CAP2: variants seen among roughly 807,000 people sequenced by gnomAD.
CAP2 encodes adenylyl cyclase-associated protein 2.
Under a neutral mutation model 57.7 loss-of-function variants are expected in CAP2, and 24 were observed. The observed-to-expected ratio is 0.42, with a 90% confidence interval of 0.30 to 0.58. CAP2 has a LOEUF of 0.58. Ranked by LOEUF, CAP2 falls within the 20% of genes least tolerant of loss-of-function variation. CAP2 has a pLI of 0.22. For synonymous variants in CAP2, 194 were observed against 207.2 expected, an observed-to-expected ratio of 0.94 and a Z score of 0.55; for missense variants, 501 against 590.3, an observed-to-expected ratio of 0.85 and a Z score of 1.57.
At chr6:17,499,074 C>T (rs1197151473) in intron 4 of CAP2, among the ~76,000 whole-genome samples, 3 of 151,814 alleles carry the variant, frequency 2.0e-5, no homozygotes, top group Non-Finnish European at 4.4e-5. Context: ...AAAAATGTGC[C>T]AATGAGATTG....
chr6:17,523,410 A>G (rs147985724), intron 7 of CAP2, among the ~76,000 whole-genome samples: 395 of 152,312 alleles, frequency 2.6e-3, no homozygotes, highest in African/African-American at 8.8e-3. Flanking sequence ...GAGACATCCA[A>G]ACACGTGGAG....
At chr6:17,479,940 C>A (rs1028455385) in intron 4 of CAP2, among the ~76,000 whole-genome samples, 1 of 151,918 alleles carries the variant, frequency 6.6e-6, no homozygotes, top group Admixed American at 6.6e-5. Flanking sequence ...AAGGGTATTA[C>A]AAGCTTGCTT....
Position 17,541,085 on chromosome 6 carries a change from T to C in CAP2, c.939T>C (p.Pro313=), listed in dbSNP as rs1048443734. 4.3e-6 allele frequency: 7 copies of C among 1,613,878 alleles called. No individual in the cohort carries two copies. In the Admixed American group the frequency reaches 1.2e-4, roughly 27 times the overall value. ...GTCACACTCCAAGTCCCACATCTCC[T>C]AAATCTTATCCTTCTCAAAAACATG... ...TKSHTPSPTS[P]KSYPSQKHAP... The change falls in exon 9 of 13, where the codon CCT becomes CCC. Residue 313 remains proline (P), a synonymous_variant. Coordinates refer to ENST00000229922, the MANE Select transcript of CAP2 (RefSeq NM_006366.3).
rs540318743 is a variant in CAP2 at position 17,530,762 on chromosome 6, T to C, written c.637-8507T>C. ...AAAAATTGTTCTGTGAGCAACATAA[T>C]CCACCTGTTCCAAGAGACTGTCAGG... On this transcript the variant is annotated intron_variant, in intron 7 of 12. Coordinates refer to ENST00000229922, the MANE Select transcript of CAP2 (RefSeq NM_006366.3). The C allele has an allele frequency of 1.8e-4, 92 of 513,714 alleles. No homozygotes were observed. In the South Asian group the frequency reaches 1.9e-3, roughly 11 times the overall value. 31.8% of individuals were successfully genotyped at this position (513,714 alleles called of 1,614,324 possible).
intron 4 of CAP2, among the ~76,000 whole-genome samples, chr6:17,478,012 A>T (rs1196694296): frequency 6.8e-6 from 1 of 147,944 alleles, no homozygotes; most frequent in Non-Finnish European, 1.5e-5. Flanking sequence ...AATATATATA[A>T]ATATATTAAT....
At chr6:17,404,055 C>T (rs887427635) in intron 1 of CAP2, among the ~76,000 whole-genome samples, 1 of 152,164 alleles carries the variant, frequency 6.6e-6, no homozygotes, top group African/African-American at 2.4e-5. Context: ...GACCAAAAAC[C>T]AAGGGTCAGT....
chr6:17,423,939 T>C (rs1284996354), intron 2 of CAP2, among the ~76,000 whole-genome samples: 1 of 152,224 alleles, frequency 6.6e-6, no homozygotes, highest in Non-Finnish European at 1.5e-5. Context: ...ATTTTACTAA[T>C]CCTAAACAAC....
chr6:17,475,863 C>T (rs965853836), intron 4 of CAP2, among the ~76,000 whole-genome samples: 6 of 152,178 alleles, frequency 3.9e-5, no homozygotes, highest in African/African-American at 1.4e-4. Context: ...GAAACTGCAG[C>T]GCAGAAGAAC....
intron 3 of CAP2, among the ~76,000 whole-genome samples, chr6:17,459,176 A>T (rs914555344): frequency 6.6e-6 from 1 of 152,220 alleles, no homozygotes; most frequent in African/African-American, 2.4e-5. Context: ...GGACCACTCC[A>T]TCCGAATGGC....
At chr6:17,428,874 C>A (rs1023772924) in intron 3 of CAP2, among the ~76,000 whole-genome samples, 1 of 152,168 alleles carries the variant, frequency 6.6e-6, no homozygotes, top group Non-Finnish European at 1.5e-5. Context: ...CCAGGGGATC[C>A]AGTGACTCCG....
chr6:17,526,760 C>G (rs1762520460), intron 7 of CAP2, among the ~76,000 whole-genome samples: 1 of 151,626 alleles, frequency 6.6e-6, no homozygotes, highest in Non-Finnish European at 1.5e-5. Context: ...GAGTTCGAGA[C>G]CAGCCTGGCC....
intron 4 of CAP2, among the ~76,000 whole-genome samples, chr6:17,499,080 G>C (rs1216055899): frequency 6.6e-6 from 1 of 151,910 alleles, no homozygotes; most frequent in Non-Finnish European, 1.5e-5. Flanking sequence ...GTGCCAATGA[G>C]ATTGTTGAAA....
chr6:17,401,026 T>C (rs1758796767), intron 1 of CAP2, among the ~76,000 whole-genome samples: 1 of 152,214 alleles, frequency 6.6e-6, no homozygotes, highest in Admixed American at 6.5e-5. Context: ...TAGTTCAGTC[T>C]GGTTATAGTG....
rs10557884 is a variant in CAP2, at chr6:17,550,394, C to CTTTTTTTT, written c.1210-1050_1210-1043dup. ...GTACCTGACCTTGAACTACCCCTGC[C>CTTTTTTTT]TTTTTTTTTTTTTTTTTTTTTTTTT... On this transcript the variant is annotated intron_variant, in intron 11 of 12. Coordinates refer to ENST00000229922, the MANE Select transcript of CAP2 (RefSeq NM_006366.3). Among the ~76,000 whole-genome samples, 3 of 52,046 alleles carry CTTTTTTTT rather than the reference C, an allele frequency of 5.8e-5. 1 individual carries two copies. The highest frequency in any genetic ancestry group is 1.4e-3 in the East Asian group (2 of 1,386). The allele number at this position is 52,046 out of a possible 152,430, so 34.1% of individuals were successfully genotyped here. A position where few individuals can be genotyped will look rare whatever the true frequency, so the allele number is the denominator to read the frequency against.
intron 7 of CAP2, among the ~76,000 whole-genome samples, chr6:17,515,757 C>T (rs908241171): frequency 2.0e-5 from 3 of 152,122 alleles, no homozygotes; most frequent in Admixed American, 2.0e-4. Context: ...AGTACCTAGG[C>T]GATCCTAGGA....
At chr6:17,517,958 A>G (rs1762307537) in intron 7 of CAP2, among the ~76,000 whole-genome samples, 1 of 152,132 alleles carries the variant, frequency 6.6e-6, no homozygotes, top group Non-Finnish European at 1.5e-5. Flanking sequence ...TATACAAAAT[A>G]AATATGATCC....
intron 3 of CAP2, among the ~76,000 whole-genome samples, chr6:17,430,874 A>G (rs912815946): frequency 6.6e-6 from 1 of 152,220 alleles, no homozygotes; most frequent in African/African-American, 2.4e-5. Context: ...TCCTATTGTT[A>G]GGATTCATGG....
At chr6:17,496,267 C>T (rs938655329) in intron 4 of CAP2, among the ~76,000 whole-genome samples, 5 of 152,104 alleles carry the variant, frequency 3.3e-5, no homozygotes, top group African/African-American at 1.2e-4. Context: ...AAATTAAAAG[C>T]TCCGTGGATC....
rs1231994307 is a variant in CAP2, at chr6:17,513,032, T to C, written c.531-817T>C. ...TTATTTTTGCATTTACCTTGACTTC[T>C]ATAAGTGAGAAAAAATATATTATAG... is the stretch of plus-strand genomic sequence containing the variant. On this transcript the variant is annotated intron_variant, in intron 6 of 12. Coordinates refer to ENST00000229922, the MANE Select transcript of CAP2 (RefSeq NM_006366.3). This position sits in a 1 kb window ranked among gnomAD's most constrained non-coding sequence, Gnocchi z 4.3. Among the ~76,000 whole-genome samples, 2 of 152,220 alleles carry C rather than the reference T, an allele frequency of 1.3e-5. No individual in the cohort carries two copies. Among genetic ancestry groups the C allele is most frequent in the Admixed American group, 6.5e-5 (1 of 15,278 alleles).
Sources: allele counts gnomAD v4.1 joint callset (sites outside exome capture counted in the v4.1 genomes callset), GRCh38; gene constraint gnomAD v4.1.1; non-coding constraint Gnocchi (gnomAD v3.1); transcripts MANE v1.5; gene names NCBI Gene and HGNC (gene_info 2026-07-23, HGNC 2026-07-21).